The following CCDC150 variants were observed in gnomAD, a reference collection of about 807,000 sequenced individuals.
CCDC150 encodes the protein coiled-coil domain containing 150, also known as coiled-coil domain-containing protein 150.
In CCDC150, 151 loss-of-function variants were observed where a neutral mutation model predicts 156.5. That is an observed-to-expected ratio of 0.97 (90% confidence interval 0.85 to 1.10). CCDC150 has a LOEUF of 1.10. Among genes scored for constraint, CCDC150 ranks in the 50% least tolerant of loss-of-function variants. The probability of loss-of-function intolerance (pLI) is 0.00; values close to 1 mark genes in which losing one functional copy is unlikely to be tolerated. For missense variants in CCDC150, 1,312 were observed against 1,268.1 expected (o/e 1.03, Z -0.53); for synonymous variants, 452 against 429.4 (o/e 1.05, Z -0.65).
At position 196,657,093 on chromosome 2, in the gene CCDC150, T is replaced by G. The variant is rs561326085; in HGVS notation, c.533T>G (p.Val178Gly). 3.7e-6 allele frequency: 6 copies of G among 1,613,760 alleles called. No homozygotes were observed. Among genetic ancestry groups the G allele is most frequent in the South Asian group, 3.3e-5 (3 of 91,068 alleles). Residue 178 changes from valine (V) to glycine (G), a missense_variant, in exon 4 of 28, where the codon GTG becomes GGG. Transcript: ENST00000389175. Reference sequence around the variant, plus strand: ...GAAGAAGACAAGGCACAAGATGAGGTGCAAAGGTTGACTGCCACTCTGAAG... The same window carrying G: ...GAAGAAGACAAGGCACAAGATGAGGGGCAAAGGTTGACTGCCACTCTGAAG... Reference protein sequence around the residue: ...KEEEDKAQDEVQRLTATLKIA... With the variant: ...KEEEDKAQDEGQRLTATLKIA...
Position 196,726,103 on chromosome 2 carries a change from T to G in CCDC150, c.2556+4T>G, listed in dbSNP as rs760503478. On this transcript the variant is annotated splice_donor_region_variant and intron_variant, in intron 22 of 27. Coordinates refer to ENST00000389175, the MANE Select transcript of CCDC150 (RefSeq NM_001080539.2). ...GGCACAACGGGAAGTGGCTGAGGTA[T>G]AGTCATGAGAAAAGTTTCTCTTTTG... 2 of 1,612,456 alleles carry G rather than the reference T, an allele frequency of 1.2e-6. No individual in the cohort carries two copies. Among genetic ancestry groups the G allele is most frequent in the Admixed American group, 3.3e-5 (2 of 59,934 alleles).
intron 15 of CCDC150, among the ~76,000 whole-genome samples, chr2:196,702,781 A>G (rs1696327843): frequency 6.6e-6 from 1 of 151,912 alleles, no homozygotes; most frequent in Non-Finnish European, 1.5e-5. Flanking sequence ...TTCTGTTGCT[A>G]TAACAGAATG....
Position 196,672,446 on chromosome 2 carries a change from T to C in CCDC150, c.1029+9T>C. On this transcript the variant is annotated intron_variant, in intron 9 of 27. Transcript: ENST00000389175. Reference sequence around the variant, plus strand: ...CATCAGAAAAAGCACAAGTAAATGCTCATGATTTTGTTAGTTTTTAGATGT... The same window carrying C: ...CATCAGAAAAAGCACAAGTAAATGCCCATGATTTTGTTAGTTTTTAGATGT... 7.1e-7 allele frequency: 1 copy of C among 1,410,894 alleles called. No individual in the cohort carries two copies. Among genetic ancestry groups the C allele is most frequent in the East Asian group, 2.7e-5 (1 of 36,808 alleles). 87.4% of individuals were successfully genotyped at this position (1,410,894 alleles called of 1,614,324 possible). A position where few individuals can be genotyped will look rare whatever the true frequency, so the allele number is the denominator to read the frequency against.
At chr2:196,725,338 A>C (rs1698151549) in intron 21 of CCDC150, among the ~76,000 whole-genome samples, 1 of 152,162 alleles carries the variant, frequency 6.6e-6, no homozygotes, top group Non-Finnish European at 1.5e-5. Context: ...ATCCTTTTAA[A>C]AGTCAGAAGC....
chr2:196,713,365 A>G (rs1309320710), intron 17 of CCDC150: 1 of 1,472,296 alleles, frequency 6.8e-7, no homozygotes, highest in Admixed American at 2.8e-5. Context: ...CGATGCCTCT[A>G]AGAAAAAGGA....
At position 196,690,767 on chromosome 2, in the gene CCDC150, A is replaced by G. The variant is rs920723768; in HGVS notation, c.1510-4279A>G. Among the ~76,000 whole-genome samples, 19 of 152,220 alleles carry G rather than the reference A, an allele frequency of 1.2e-4. 1 individual carries two copies. The highest frequency in any genetic ancestry group is 2.6e-4 in the Admixed American group (4 of 15,282). On this transcript the variant is annotated intron_variant, in intron 13 of 27. Coordinates refer to ENST00000389175, the MANE Select transcript of CCDC150 (RefSeq NM_001080539.2). The stretch of plus-strand genomic sequence containing the variant: ...TTGCATAGGAGTAGTGAGAGAGGGC[A>G]TGCTTGTCTTGTGCCAGTTTTCAAG...
chr2:196,650,133 T>C (rs1166751928), intron 2 of CCDC150, among the ~76,000 whole-genome samples: 2 of 152,270 alleles, frequency 1.3e-5, no homozygotes, highest in Non-Finnish European at 2.9e-5. Context: ...AGGCTTATCA[T>C]ATATGGCGTT....
Position 196,683,607 on chromosome 2 carries a change from G to A in CCDC150, c.1509+6246G>A, listed in dbSNP as rs192511889. Among the ~76,000 whole-genome samples the A allele has an allele frequency of 2.6e-5, 4 of 152,064 alleles. No homozygotes were observed. The East Asian group carries it at 7.7e-4, about 29-fold the overall frequency. On this transcript the variant is annotated intron_variant, in intron 13 of 27. Transcript: ENST00000389175. ...GGGTTAATTCTTCTTTAAATATTTT[G>A]TAGCATTTACCAGTGAAGCCATCTG...
intron 26 of CCDC150, among the ~76,000 whole-genome samples, chr2:196,731,365 C>A (rs142497875): frequency 2.0e-5 from 3 of 147,454 alleles, no homozygotes; most frequent in African/African-American, 5.0e-5. Flanking sequence ...CTTAAATTAG[C>A]CTTTTGGGGG....
At chr2:196,696,454 A>C (rs527687193) in intron 14 of CCDC150, among the ~76,000 whole-genome samples, 5 of 152,224 alleles carry the variant, frequency 3.3e-5, no homozygotes, top group Non-Finnish European at 7.3e-5. Context: ...GGGAGACCAC[A>C]TTCTCAGTCT....
chr2:196,706,289 A>G (rs1467195865), intron 15 of CCDC150, among the ~76,000 whole-genome samples: 1 of 152,130 alleles, frequency 6.6e-6, no homozygotes, highest in Non-Finnish European at 1.5e-5. Flanking sequence ...GCAATTGTGA[A>G]TGGGAGTTCA....
chr2:196,687,670 G>C (rs2125637192), intron 13 of CCDC150, among the ~76,000 whole-genome samples: 1 of 152,194 alleles, frequency 6.6e-6, no homozygotes, highest in Non-Finnish European at 1.5e-5. Flanking sequence ...TGAAATCTTT[G>C]CTCGTGCCTA....
At chr2:196,674,480 A>G (rs1365467409) in intron 10 of CCDC150, 132 bp downstream of exon 10, 1 of 607,850 alleles carries the variant, frequency 1.6e-6, no homozygotes. Flanking sequence ...TCTTAATTCT[A>G]TTAGTGCTTT....
At chr2:196,718,044 T>G (rs1407792082) in intron 17 of CCDC150, among the ~76,000 whole-genome samples, 2 of 152,222 alleles carry the variant, frequency 1.3e-5, no homozygotes, top group Non-Finnish European at 2.9e-5. Flanking sequence ...CCAAAACTGT[T>G]TCAAGGATAT....
chr2:196,653,551 G>C (rs1693003331), intron 2 of CCDC150, among the ~76,000 whole-genome samples: 2 of 152,128 alleles, frequency 1.3e-5, no homozygotes, highest in South Asian at 4.1e-4. Context: ...GACCTCATCA[G>C]CCTGTCCTCT....
intron 17 of CCDC150, among the ~76,000 whole-genome samples, chr2:196,716,286 G>A (rs1465824811): frequency 6.6e-6 from 1 of 152,156 alleles, no homozygotes; most frequent in African/African-American, 2.4e-5. Flanking sequence ...ATGAAAGTAT[G>A]TCTCCACACA....
chr2:196,680,915 T>C (rs1432518926), intron 13 of CCDC150, among the ~76,000 whole-genome samples: 2 of 152,246 alleles, frequency 1.3e-5, no homozygotes, highest in East Asian at 1.9e-4. Context: ...ATACCCATCC[T>C]AGTGGGTGTG....
chr2:196,704,424 G>T (rs1485648126), intron 15 of CCDC150, among the ~76,000 whole-genome samples: 1 of 152,112 alleles, frequency 6.6e-6, no homozygotes, highest in African/African-American at 2.4e-5. Flanking sequence ...ATATACAGAA[G>T]ATTCTCTCAG....
In CCDC150 at chr2:196,676,564, A is replaced by G; in HGVS notation, c.1273A>G (p.Ile425Val). 1.2e-6 allele frequency: 2 copies of G among 1,612,368 alleles called. No homozygotes were observed. Among genetic ancestry groups the G allele is most frequent in the Non-Finnish European group, 1.7e-6 (2 of 1,179,238 alleles). Residue 425 changes from isoleucine (I) to valine (V), a missense_variant, in exon 12 of 28, where the codon ATC (isoleucine) becomes GTC (valine). Ile to Val is a conservative substitution (Grantham distance 29). Coordinates refer to ENST00000389175, the MANE Select transcript of CCDC150 (RefSeq NM_001080539.2). Reference sequence around the variant, plus strand: ...GATCTCTTCCTGCAGGGATCATTTAATCCTTGAGCATAACCAGTGTATCCA... The same window carrying G: ...GATCTCTTCCTGCAGGGATCATTTAGTCCTTGAGCATAACCAGTGTATCCA... ...TQLQAHLDHL[I>V]LEHNQCIQKA...
Sources: gnomAD v4.1 joint callset for allele counts (sites outside exome capture counted in the v4.1 genomes callset) on GRCh38, gnomAD v4.1.1 for gene constraint, MANE v1.5 for transcripts, NCBI Gene and HGNC (gene_info 2026-07-23, HGNC 2026-07-21) for gene names.